The following SPACA7 variants were observed in gnomAD, a reference collection of about 807,000 sequenced individuals.
SPACA7 encodes the protein sperm acrosome-associated protein 7.
SPACA7 carries 19 observed loss-of-function variants against 26.3 expected under a neutral mutation model. That is an observed-to-expected ratio of 0.72 (90% CI 0.50 to 1.06). The LOEUF (loss-of-function observed/expected upper bound fraction) is 1.06. Ranked by LOEUF, SPACA7 falls within the 50% of genes least tolerant of loss-of-function variation. SPACA7 has a pLI of 0.00. For synonymous variants in SPACA7, 84 were observed against 84.5 expected (o/e 0.99, Z 0.04); for missense variants, 211 against 229.9 (o/e 0.92, Z 0.53).
intron 3 of SPACA7, among the ~76,000 whole-genome samples, chr13:112,398,437 C>G (rs1885426228): frequency 6.6e-6 from 1 of 152,194 alleles, no homozygotes; most frequent in Non-Finnish European, 1.5e-5. Context: ...GCACAAGAAC[C>G]TGAGAACCCT....
intron 5 of SPACA7, among the ~76,000 whole-genome samples, chr13:112,417,403 A>C (rs1163561749): frequency 6.6e-6 from 1 of 151,980 alleles, no homozygotes; most frequent in Non-Finnish European, 1.5e-5. Flanking sequence ...ATTTCCATTT[A>C]AGTTATATCA....
intron 1 of SPACA7, among the ~76,000 whole-genome samples, chr13:112,385,303 T>C (rs895171923): frequency 1.3e-5 from 2 of 152,118 alleles, no homozygotes; most frequent in African/African-American, 2.4e-5. Context: ...CATATTCCTA[T>C]GCCTTCTTAT....
intron 1 of SPACA7, among the ~76,000 whole-genome samples, chr13:112,378,210 T>G (rs1005182536): frequency 6.6e-6 from 1 of 152,160 alleles, no homozygotes; most frequent in African/African-American, 2.4e-5. Flanking sequence ...ATTGAAGGAC[T>G]CTAAAAGGCT....
At chr13:112,392,642 T>C (rs765024402) in intron 1 of SPACA7, among the ~76,000 whole-genome samples, 3 of 152,176 alleles carry the variant, frequency 2.0e-5, no homozygotes, top group Non-Finnish European at 4.4e-5. Flanking sequence ...AAGAGGAACA[T>C]GCCCTCTTAC....
intron 1 of SPACA7, among the ~76,000 whole-genome samples, chr13:112,389,924 T>A (rs1263564730): frequency 6.6e-6 from 1 of 152,246 alleles, no homozygotes; most frequent in Non-Finnish European, 1.5e-5. Context: ...TTTCCCCTGA[T>A]ATTATTTAAT....
At chr13:112,406,508 A>T (rs1210905065) in intron 5 of SPACA7, among the ~76,000 whole-genome samples, 2 of 152,218 alleles carry the variant, frequency 1.3e-5, no homozygotes, top group African/African-American at 4.8e-5. Flanking sequence ...AAAAACTCCT[A>T]AAACCCAACA....
intron 5 of SPACA7, among the ~76,000 whole-genome samples, chr13:112,416,820 G>A (rs903735228): frequency 6.6e-6 from 1 of 152,016 alleles, no homozygotes; most frequent in African/African-American, 2.4e-5. Context: ...GTGTGTGTGT[G>A]TGTGTGTGTG....
intron 1 of SPACA7, among the ~76,000 whole-genome samples, chr13:112,387,557 G>A (rs1225406747): frequency 6.6e-6 from 1 of 152,186 alleles, no homozygotes; most frequent in African/African-American, 2.4e-5. Flanking sequence ...GAGACAAATA[G>A]TTTACCATTT....
intron 5 of SPACA7, among the ~76,000 whole-genome samples, chr13:112,411,874 G>T (rs1317498143): frequency 6.6e-6 from 1 of 151,984 alleles, no homozygotes; most frequent in Non-Finnish European, 1.5e-5. Flanking sequence ...TACCACGTTT[G>T]GTCTATTGTA....
intron 5 of SPACA7, among the ~76,000 whole-genome samples, chr13:112,422,268 C>A (rs574254182): frequency 6.6e-6 from 1 of 152,132 alleles, no homozygotes; most frequent in Non-Finnish European, 1.5e-5. Context: ...TATGCACTAT[C>A]CACCACAGAG....
rs372528870 is a variant in SPACA7, at chr13:112,380,327, C to T, written c.94+3848C>T. On this transcript the variant is annotated intron_variant, in intron 1 of 6. Coordinates refer to ENST00000283550, the MANE Select transcript of SPACA7 (RefSeq NM_145248.5). ...GGCTGAGGCAGGAGAATCACTTGGA[C>T]CCAGGAAGTGGAGGTTGCAGTGAGC... Among the ~76,000 whole-genome samples the T allele has an allele frequency of 2.4e-4, 36 of 150,314 alleles. 1 individual carries two copies. In the East Asian group the frequency reaches 4.5e-3, roughly 19 times the overall value.
At chr13:112,384,810 G>A (rs1297830930) in intron 1 of SPACA7, among the ~76,000 whole-genome samples, 2 of 152,052 alleles carry the variant, frequency 1.3e-5, no homozygotes, top group African/African-American at 2.4e-5. Flanking sequence ...ACCCAAAGGA[G>A]AAAACAAAAC....
intron 2 of SPACA7, among the ~76,000 whole-genome samples, chr13:112,397,000 C>G (rs73578749): frequency 0.082 from 12,423 of 152,264 alleles, 1,099 homozygotes; most frequent in East Asian, 0.28. Flanking sequence ...ACCTTACAGG[C>G]CTGTAGCCCA....
At chr13:112,416,702 T>C (rs1318115293) in intron 5 of SPACA7, among the ~76,000 whole-genome samples, 1 of 152,150 alleles carries the variant, frequency 6.6e-6, no homozygotes, top group Non-Finnish European at 1.5e-5. Flanking sequence ...TCACCTCCCA[T>C]AGTTTAGTTT....
At chr13:112,422,912 G>C (rs1876126978) in intron 5 of SPACA7, among the ~76,000 whole-genome samples, 1 of 152,124 alleles carries the variant, frequency 6.6e-6, no homozygotes, top group African/African-American at 2.4e-5. Flanking sequence ...TGAATCATCA[G>C]AATTGTCTAT....
chr13:112,417,376 T>C (rs1239914352), intron 5 of SPACA7, among the ~76,000 whole-genome samples: 1 of 152,180 alleles, frequency 6.6e-6, no homozygotes, highest in African/African-American at 2.4e-5. Context: ...CTGACTTACT[T>C]TTCTACCTTT....
intron 1 of SPACA7, among the ~76,000 whole-genome samples, chr13:112,383,026 A>AAGAGGGAGAGAGAGAAAGAGAG (rs1884188156): frequency 1.1e-5 from 1 of 95,220 alleles, no homozygotes; most frequent in Non-Finnish European, 2.5e-5. Context: ...GAAAGAAAGA[A>AAGAGGGAGAGAGAGAAAGAGAG]AGAGAGAGAG....
intron 5 of SPACA7, among the ~76,000 whole-genome samples, chr13:112,413,619 C>T (rs1886494808): frequency 6.6e-6 from 1 of 151,848 alleles, no homozygotes; most frequent in Admixed American, 6.6e-5. Flanking sequence ...CTCAGTATTC[C>T]TATATTTCTC....
At chr13:112,408,416 A>G (rs531044077) in intron 5 of SPACA7, among the ~76,000 whole-genome samples, 1 of 152,304 alleles carries the variant, frequency 6.6e-6, no homozygotes, top group South Asian at 2.1e-4. Context: ...TTAGGAAAAG[A>G]GGAAGTCAAA....
Sources: allele counts gnomAD v4.1 joint callset (sites outside exome capture counted in the v4.1 genomes callset), GRCh38; gene constraint gnomAD v4.1.1; transcripts MANE v1.5; gene names NCBI Gene and HGNC (gene_info 2026-07-23, HGNC 2026-07-21).